The following AKAP3 variants were observed in gnomAD, a reference collection of about 807,000 sequenced individuals.
AKAP3 encodes the protein A-kinase anchor protein 3.
Under a neutral mutation model 57.2 loss-of-function variants are expected in AKAP3, and 27 were observed. That is an observed-to-expected ratio of 0.47 (90% CI 0.35 to 0.65). The LOEUF is 0.65. AKAP3 is among the 30% of genes least tolerant of loss of function. AKAP3 has a pLI of 0.01. For missense variants in AKAP3, 959 were observed against 1,040.0 expected, an observed-to-expected ratio of 0.92 and a Z score of 1.07; for synonymous variants, 334 against 392.3, an observed-to-expected ratio of 0.85 and a Z score of 1.76.
intron 5 of AKAP3, among the ~76,000 whole-genome samples, chr12:4,622,657 A>G (rs1476776589): frequency 6.6e-6 from 1 of 152,206 alleles, no homozygotes; most frequent in African/African-American, 2.4e-5. Context: ...TAAATGTAAG[A>G]TTAAAAACTG....
At chr12:4,635,944 CT>C in intron 4 of AKAP3, 1 of 964,194 alleles carries the variant, frequency 1.0e-6, no homozygotes. Context: ...AGTTGGTTTT[CT>C]TTTTGGGCCC....
In AKAP3 at chr12:4,628,132, C is replaced by T. The variant is rs1447076888; in HGVS notation, c.770G>A (p.Gly257Asp). 2 of 1,614,154 alleles carry T rather than the reference C, an allele frequency of 1.2e-6. No individual in the cohort carries two copies. Among genetic ancestry groups the T allele is most frequent in the Non-Finnish European group, 1.7e-6 (2 of 1,180,008 alleles). ...TCTCTCCCGAGGAAAGAACCTTCCA[C>T]CCTCTCTGGCATAATCTCCATTACG... is the stretch of plus-strand genomic sequence containing the variant. Reference protein sequence around the residue: ...ESRNGDYAREGGRFFPRERKR... With the variant: ...ESRNGDYAREDGRFFPRERKR... The change falls in exon 5 of 6, where the codon GGT (glycine) becomes GAT (aspartate). Residue 257 changes from glycine (G) to aspartate (D), a missense_variant. Transcript: ENST00000228850.
chr12:4,616,038 G>A, intron 5 of AKAP3, 144 bp from the exon 6 acceptor site: 1 of 953,028 alleles, frequency 1.0e-6, no homozygotes, highest in Non-Finnish European at 1.6e-6. Context: ...CTGTTTAACA[G>A]AAGGAGGTTG....
At chr12:4,632,798 G>A (rs1312641887) in intron 4 of AKAP3, among the ~76,000 whole-genome samples, 3 of 151,912 alleles carry the variant, frequency 2.0e-5, no homozygotes, top group Non-Finnish European at 2.9e-5. Flanking sequence ...CCGCCATCAC[G>A]CCCGGCTAAT....
chr12:4,628,585 A>C lies in AKAP3; in HGVS notation c.317T>G (p.Ile106Ser). 2 of 1,614,182 alleles carry C rather than the reference A, an allele frequency of 1.2e-6. No individual in the cohort carries two copies. The highest frequency in any genetic ancestry group is 1.7e-6 in the Non-Finnish European group (2 of 1,180,024). The stretch of plus-strand genomic sequence containing the variant: ...TTGGGCCCTGGGGCCCTGGCAAGGA[A>C]TCTCTTTGTGAGTCATCTCAAAATG... ...RLHFEMTHKE[I>S]PCQGPRAQLG... The change falls in exon 5 of 6, where the codon ATT becomes AGT. Residue 106 changes from isoleucine (I) to serine (S), a missense_variant. Ile to Ser is a moderately radical substitution (Grantham distance 142). Transcript: ENST00000228850.
At chr12:4,637,266 C>A (rs773700030) in intron 4 of AKAP3, among the ~76,000 whole-genome samples, 1 of 152,196 alleles carries the variant, frequency 6.6e-6, no homozygotes, top group African/African-American at 2.4e-5. Flanking sequence ...TTCTCCTTTG[C>A]GGTTGGCATT....
Position 4,648,984 on chromosome 12 carries a change from C to T in AKAP3, c.-484G>A. 1 of 907,594 alleles carries T rather than the reference C, an allele frequency of 1.1e-6. No homozygotes were observed. Among genetic ancestry groups the T allele is most frequent in the Non-Finnish European group, 1.7e-6 (1 of 599,604 alleles). The allele number at this position is 907,594 out of a possible 1,614,324, so 56.2% of individuals were successfully genotyped here. ...TTCTTCCCCCTCTCCTTCACTTTCC[C>T]AGCTTTCTTCTTAACCAACAATCTA... On this transcript the variant is annotated 5_prime_UTR_variant, in exon 1 of 6. Coordinates refer to ENST00000228850, the MANE Select transcript of AKAP3 (RefSeq NM_001278309.2).
rs111994067 is a variant in AKAP3, at chr12:4,635,853, T to A, written c.96+2248A>T. ...GAATCTGTAAAACCACTTTAATTTA[T>A]CCAAAACGTCTATTTTCTGGCTAAG... On this transcript the variant is annotated intron_variant, in intron 4 of 5. Coordinates refer to ENST00000228850, the MANE Select transcript of AKAP3 (RefSeq NM_001278309.2). The A allele has an allele frequency of 2.6e-5, 17 of 664,200 alleles. 1 individual carries two copies. The highest frequency in any genetic ancestry group is 1.6e-4 in the African/African-American group (9 of 54,880). 41.1% of individuals were successfully genotyped at this position (664,200 alleles called of 1,614,324 possible). A position where few individuals can be genotyped will look rare whatever the true frequency, so the allele number is the denominator to read the frequency against.
At chr12:4,634,214 CA>C (rs1208369209) in intron 4 of AKAP3, among the ~76,000 whole-genome samples, 1 of 152,038 alleles carries the variant, frequency 6.6e-6, no homozygotes, top group Non-Finnish European at 1.5e-5. Flanking sequence ...GGTTGGAAAA[CA>C]AGGCTACAAG....
At chr12:4,622,832 G>A (rs981245613) in intron 5 of AKAP3, among the ~76,000 whole-genome samples, 1 of 147,842 alleles carries the variant, frequency 6.8e-6, no homozygotes, top group Non-Finnish European at 1.5e-5. Flanking sequence ...TATTAATAGA[G>A]TAAACAGACA....
chr12:4,643,868 T>A (rs979308088), intron 2 of AKAP3, among the ~76,000 whole-genome samples: 2 of 152,236 alleles, frequency 1.3e-5, no homozygotes, highest in Non-Finnish European at 2.9e-5. Flanking sequence ...CCTAAACTCA[T>A]GTAAAAACTC....
intron 2 of AKAP3, among the ~76,000 whole-genome samples, chr12:4,644,619 T>C (rs1945676674): frequency 1.3e-5 from 2 of 152,190 alleles, no homozygotes; most frequent in Non-Finnish European, 1.5e-5. Flanking sequence ...AAAATTAAAA[T>C]TGGCTGAGCA....
chr12:4,615,543 G>A lies in AKAP3; in HGVS notation c.*196C>T, dbSNP rs1038875711. 17 of 570,120 alleles carry A rather than the reference G, an allele frequency of 3.0e-5. No individual in the cohort carries two copies. The highest frequency in any genetic ancestry group is 1.3e-4 in the African/African-American group (7 of 52,276). 35.3% of individuals were successfully genotyped at this position (570,120 alleles called of 1,614,324 possible). ...TTTAATTGTAATTTTTTAATTTTACGTCCTTGCTTGCATGGACAGGAAAAT... is the reference window on the plus strand; with the variant it reads ...TTTAATTGTAATTTTTTAATTTTACATCCTTGCTTGCATGGACAGGAAAAT... On this transcript the variant is annotated 3_prime_UTR_variant, in exon 6 of 6. Coordinates refer to ENST00000228850, the MANE Select transcript of AKAP3 (RefSeq NM_001278309.2).
At chr12:4,641,515 T>C (rs1401020716) in intron 3 of AKAP3, among the ~76,000 whole-genome samples, 1 of 152,254 alleles carries the variant, frequency 6.6e-6, no homozygotes, top group Admixed American at 6.5e-5. Context: ...TAATTTTCTT[T>C]GGTATCTTAT....
At chr12:4,632,883 G>A (rs1208886165) in intron 4 of AKAP3, among the ~76,000 whole-genome samples, 2 of 152,002 alleles carry the variant, frequency 1.3e-5, no homozygotes, top group Non-Finnish European at 2.9e-5. Context: ...CTCGTGATCC[G>A]CCTGCCTCGG....
At chr12:4,633,562 C>T (rs2137440148) in intron 4 of AKAP3, among the ~76,000 whole-genome samples, 1 of 152,002 alleles carries the variant, frequency 6.6e-6, no homozygotes, top group South Asian at 2.1e-4. Flanking sequence ...TCTTCAAACC[C>T]CCTTGCCCTC....
chr12:4,620,399 C>T (rs1442532425), intron 5 of AKAP3, among the ~76,000 whole-genome samples: 4 of 146,464 alleles, frequency 2.7e-5, no homozygotes, highest in African/African-American at 1.0e-4. Flanking sequence ...ATCGCTTGAA[C>T]CTGGGGGGCG....
chr12:4,628,935 C>A (rs527975466), intron 4 of AKAP3, 130 bp from the exon 5 acceptor site: 3 of 878,852 alleles, frequency 3.4e-6, no homozygotes, highest in East Asian at 2.7e-5. Context: ...ATAAAAGTAA[C>A]CATTTATTAA....
intron 5 of AKAP3, among the ~76,000 whole-genome samples, chr12:4,620,176 TTAGAAAAAGAA>T (rs1406386964): frequency 1.3e-5 from 2 of 151,888 alleles, no homozygotes. Context: ...AATAGAAAGT[TTAGAAAAAGAA>T]TAGGAAAAAA....
Sources: gnomAD v4.1 joint callset for allele counts (sites outside exome capture counted in the v4.1 genomes callset) on GRCh38, gnomAD v4.1.1 for gene constraint, MANE v1.5 for transcripts, NCBI Gene and HGNC (gene_info 2026-07-23, HGNC 2026-07-21) for gene names.